Variants in ARHGAP29 observed in about 807,000 individuals in gnomAD.
ARHGAP29 encodes Rho GTPase activating protein 29.
Under a neutral mutation model 122.6 loss-of-function variants are expected in ARHGAP29, and 43 were observed. The ratio of observed to expected loss-of-function variants is 0.35; its 90% CI spans 0.27 to 0.45. ARHGAP29 has a LOEUF of 0.45. Among genes scored for constraint, ARHGAP29 ranks in the 20% least tolerant of loss-of-function variants. ARHGAP29 has a pLI of 1.00. For synonymous variants in ARHGAP29, 506 were observed against 497.1 expected (o/e 1.02, Z -0.24); for missense variants, 1,303 against 1,477.2 (o/e 0.88, Z 1.93).
chr1:94,211,287 C>CAAAAAAAAAAAA (rs71094285), intron 3 of ARHGAP29, among the ~76,000 whole-genome samples: 1 of 35,996 alleles, frequency 2.8e-5, no homozygotes, highest in African/African-American at 1.1e-4. Context: ...GCTCTGGCTC[C>CAAAAAAAAAAAA]AAAAAAAAAA....
At chr1:94,292,531 G>A in the ARHGAP29 span, among the ~76,000 whole-genome samples, 1 of 152,130 alleles carries the variant, frequency 6.6e-6, no homozygotes, top group East Asian at 1.9e-4. Flanking sequence ...GAGGAGAAGA[G>A]GCATTCTGGT....
upstream of ARHGAP29, among the ~76,000 whole-genome samples, chr1:94,276,598 T>C (rs2100742153): frequency 6.6e-6 from 1 of 151,460 alleles, no homozygotes; most frequent in Admixed American, 6.6e-5. Context: ...CTGGGCAACA[T>C]GGCAAAATCC....
chr1:94,239,206 G>T (rs1369911064), upstream of ARHGAP29, among the ~76,000 whole-genome samples: 1 of 152,176 alleles, frequency 6.6e-6, no homozygotes, highest in Non-Finnish European at 1.5e-5. Flanking sequence ...AGACAAAGGA[G>T]TCCCCAGGCC....
At chr1:94,210,025 G>A (rs567483155) in intron 3 of ARHGAP29, among the ~76,000 whole-genome samples, 1 of 152,212 alleles carries the variant, frequency 6.6e-6, no homozygotes, top group Admixed American at 6.5e-5. Context: ...TTTGCATTTT[G>A]TTAAAGCAAA....
rs1270468751 is a variant in ARHGAP29, at chr1:94,173,480, C to T, written c.*389G>A. 8 of 166,504 alleles carry T rather than the reference C, an allele frequency of 4.8e-5. No homozygotes were observed. Among genetic ancestry groups the T allele is most frequent in the Non-Finnish European group, 1.3e-5 (1 of 75,686 alleles). 10.3% of individuals were successfully genotyped at this position (166,504 alleles called of 1,614,324 possible). A position where few individuals can be genotyped will look rare whatever the true frequency, so the allele number is the denominator to read the frequency against. On this transcript the variant is annotated 3_prime_UTR_variant, in exon 23 of 23. Coordinates refer to ENST00000260526, the MANE Select transcript of ARHGAP29 (RefSeq NM_004815.4). ...GAAACATTCCTTTTATAAATAAGCA[C>T]TTATAACAGTTCCACTCCAAAAAAT...
rs111304569 is a variant in ARHGAP29 at position 94,201,506 on chromosome 1, TTCTC to T, written c.1281+210_1281+213del. Among the ~76,000 whole-genome samples, 1,293 of 141,372 alleles carry T rather than the reference TTCTC, an allele frequency of 9.1e-3. 25 individuals are homozygous for T. The highest frequency in any genetic ancestry group is 0.033 in the African/African-American group (1,226 of 37,060). The allele number at this position is 141,372 out of a possible 152,430, so 92.7% of individuals were successfully genotyped here. A position where few individuals can be genotyped will look rare whatever the true frequency, so the allele number is the denominator to read the frequency against. ...CTCCCTCCCTTCTTTCCTTCCTTCC[TTCTC>T]TCTCTCTCTCTCTCTCTCTCTCTCT... On this transcript the variant is annotated intron_variant, in intron 12 of 22. Coordinates refer to ENST00000260526, the MANE Select transcript of ARHGAP29 (RefSeq NM_004815.4).
intron 12 of ARHGAP29, among the ~76,000 whole-genome samples, chr1:94,198,396 A>C (rs1457827320): frequency 6.6e-6 from 1 of 152,084 alleles, no homozygotes; most frequent in Non-Finnish European, 1.5e-5. Context: ...GCTTGAGCCC[A>C]GGAGGGTGAG....
At chr1:94,251,191 G>A (rs375907043) in intron 1 of ARHGAP29, among the ~76,000 whole-genome samples, 34 of 139,412 alleles carry the variant, frequency 2.4e-4, no homozygotes, top group African/African-American at 9.0e-4. Flanking sequence ...TTTTTTTTGA[G>A]AGGAAGTCTT....
At chr1:94,254,751 G>T (rs1364170875) in intron 1 of ARHGAP29, among the ~76,000 whole-genome samples, 1 of 152,222 alleles carries the variant, frequency 6.6e-6, no homozygotes, top group African/African-American at 2.4e-5. Context: ...TAGGATGTGG[G>T]TCAAGGGACA....
At chr1:94,303,102 C>T in the ARHGAP29 span, 1 of 156,150 alleles carries the variant, frequency 6.4e-6, no homozygotes, top group Non-Finnish European at 1.4e-5. Flanking sequence ...GTCCCTGCCA[C>T]ACAGTCCTCC....
rs1356086635 is a variant in ARHGAP29, at chr1:94,170,817, TC to T, written c.*3051del. Among the ~76,000 whole-genome samples, 4 of 152,194 alleles carry T rather than the reference TC, an allele frequency of 2.6e-5. No individual in the cohort carries two copies. Among genetic ancestry groups the T allele is most frequent in the African/African-American group, 9.6e-5 (4 of 41,454 alleles). ...TGGTCTAACATTTTCTCCATCAAGATCTTGTACATCTTTTGTTAGACTTATT... is the reference window on the plus strand; with the variant it reads ...TGGTCTAACATTTTCTCCATCAAGATTTGTACATCTTTTGTTAGACTTATT... On this transcript the variant is annotated 3_prime_UTR_variant, in exon 23 of 23. Transcript: ENST00000260526.
In ARHGAP29 at chr1:94,172,869, A is replaced by T. The variant is rs139214292; in HGVS notation, c.*1000T>A. The T allele has an allele frequency of 2.7e-3, 412 of 152,634 alleles. 6 individuals carry two copies. Among genetic ancestry groups the T allele is most frequent in the Non-Finnish European group, 1.4e-3 (97 of 67,992 alleles). 9.5% of individuals were successfully genotyped at this position (152,634 alleles called of 1,614,324 possible). A position where few individuals can be genotyped will look rare whatever the true frequency, so the allele number is the denominator to read the frequency against. On this transcript the variant is annotated 3_prime_UTR_variant, in exon 23 of 23. Coordinates refer to ENST00000260526, the MANE Select transcript of ARHGAP29 (RefSeq NM_004815.4). Reference sequence around the variant, plus strand: ...GAGGCTTACTGACCTGTACTCTCAGAATCAACTTAAATAAATTTTAGCTTG... The same window carrying T: ...GAGGCTTACTGACCTGTACTCTCAGTATCAACTTAAATAAATTTTAGCTTG...
the ARHGAP29 span, among the ~76,000 whole-genome samples, chr1:94,304,110 C>T: frequency 6.6e-6 from 1 of 152,140 alleles, no homozygotes; most frequent in East Asian, 1.9e-4. Context: ...AGTTATTCTG[C>T]TGGAACACTG....
At chr1:94,273,305 C>T (rs1392972206) in intron 1 of ARHGAP29, among the ~76,000 whole-genome samples, 1 of 152,188 alleles carries the variant, frequency 6.6e-6, no homozygotes, top group Non-Finnish European at 1.5e-5. Flanking sequence ...AGCTAGTCTG[C>T]AGTACTCTGC....
upstream of ARHGAP29, among the ~76,000 whole-genome samples, chr1:94,238,897 C>A (rs1653461981): frequency 6.6e-6 from 1 of 152,084 alleles, no homozygotes; most frequent in African/African-American, 2.4e-5. Flanking sequence ...TATCTTTGAA[C>A]CCTTACAGGA....
intron 10 of ARHGAP29, 62 bp from the exon 11 acceptor site, chr1:94,202,794 A>G (rs2101508655): frequency 1.3e-6 from 2 of 1,566,710 alleles, no homozygotes; most frequent in Non-Finnish European, 1.7e-6. Flanking sequence ...AAGTGTCTTT[A>G]GCATATTCAG....
upstream of ARHGAP29, among the ~76,000 whole-genome samples, chr1:94,279,896 A>C (rs1185150854): frequency 6.6e-6 from 1 of 151,912 alleles, no homozygotes; most frequent in Non-Finnish European, 1.5e-5. Context: ...TCTGGTTCCA[A>C]CTTTTTTTTA....
intron 3 of ARHGAP29, among the ~76,000 whole-genome samples, chr1:94,215,098 G>GA (rs1651873891): frequency 1.3e-5 from 1 of 75,140 alleles, no homozygotes; most frequent in Non-Finnish European, 2.6e-5. Context: ...AGAAAAGCAT[G>GA]AAAAGGAAAA....
upstream of ARHGAP29, among the ~76,000 whole-genome samples, chr1:94,238,077 T>TA (rs1364510284): frequency 6.9e-6 from 1 of 144,786 alleles, no homozygotes; most frequent in East Asian, 2.0e-4. Flanking sequence ...TTTTTTTTTT[T>TA]TTGGAGACGG....
Sources: gnomAD v4.1 joint callset for allele counts (sites outside exome capture counted in the v4.1 genomes callset) on GRCh38, gnomAD v4.1.1 for gene constraint, MANE v1.5 for transcripts, NCBI Gene and HGNC (gene_info 2026-07-23, HGNC 2026-07-21) for gene names.